Variants in UNC13C observed in about 807,000 individuals in gnomAD.
UNC13C encodes the protein unc-13 homolog C.
UNC13C carries 174 observed loss-of-function variants against 245.4 expected under a neutral mutation model. The ratio of observed to expected loss-of-function variants is 0.71; its 90% confidence interval spans 0.63 to 0.80. UNC13C has a LOEUF of 0.80. UNC13C is among the 30% of genes least tolerant of loss of function. The probability of loss-of-function intolerance (pLI) is 0.00; values close to 1 mark genes in which losing one functional copy is unlikely to be tolerated. For missense variants in UNC13C, 2,829 were observed against 2,602.9 expected, an observed-to-expected ratio of 1.09 and a Z score of -1.89; for synonymous variants, 992 against 895.1, an observed-to-expected ratio of 1.11 and a Z score of -1.93.
At chr15:54,080,382 T>G (rs947451345) in intron 2 of UNC13C, among the ~76,000 whole-genome samples, 3 of 152,028 alleles carry the variant, frequency 2.0e-5, no homozygotes, top group African/African-American at 7.2e-5. Flanking sequence ...TTGGAAACAT[T>G]TCCGAAAGAT....
intron 20 of UNC13C, among the ~76,000 whole-genome samples, chr15:54,497,436 G>C (rs921374767): frequency 6.6e-6 from 1 of 152,244 alleles, no homozygotes; most frequent in Non-Finnish European, 1.5e-5. Context: ...TATGAAGGCT[G>C]CTTGGATTTG....
chr15:54,046,680 T>C (rs1426523916), intron 2 of UNC13C, among the ~76,000 whole-genome samples: 2 of 151,888 alleles, frequency 1.3e-5, no homozygotes, highest in African/African-American at 2.4e-5. Flanking sequence ...GTAAAATATA[T>C]ATAACAAAAC....
intron 2 of UNC13C, among the ~76,000 whole-genome samples, chr15:54,107,158 GTTTTA>G (rs1239899715): frequency 1.3e-5 from 2 of 152,050 alleles, no homozygotes; most frequent in African/African-American, 4.8e-5. Flanking sequence ...ATTTTTGACT[GTTTTA>G]TTTATTTCAA....
At chr15:53,880,501 G>A in the UNC13C span, among the ~76,000 whole-genome samples, 1 of 152,132 alleles carries the variant, frequency 6.6e-6, no homozygotes, top group African/African-American at 2.4e-5. Flanking sequence ...ATACAACGGC[G>A]GGTCAGCATT....
At chr15:54,087,665 C>T (rs77787649) in intron 2 of UNC13C, among the ~76,000 whole-genome samples, 6,580 of 152,224 alleles carry the variant, frequency 0.043, 409 homozygotes, top group East Asian at 0.29. Context: ...CCAGTTACCA[C>T]TGAGAGGGGC....
chr15:53,852,694 A>G, the UNC13C span, among the ~76,000 whole-genome samples: 1 of 152,084 alleles, frequency 6.6e-6, no homozygotes, highest in African/African-American at 2.4e-5. Context: ...AGTTTACCAT[A>G]TCGTGTCCAT....
chr15:53,903,919 T>G, the UNC13C span, among the ~76,000 whole-genome samples: 1 of 152,208 alleles, frequency 6.6e-6, no homozygotes, highest in African/African-American at 2.4e-5. Context: ...GAGCAATTAG[T>G]ATTTAGATCT....
At chr15:54,401,221 C>G (rs1327954625) in intron 18 of UNC13C, among the ~76,000 whole-genome samples, 1 of 151,976 alleles carries the variant, frequency 6.6e-6, no homozygotes, top group Non-Finnish European at 1.5e-5. Flanking sequence ...CTTTCATTAA[C>G]AGTTTCATTT....
chr15:54,344,069 A>C (rs1288575595), intron 17 of UNC13C, among the ~76,000 whole-genome samples: 3 of 152,228 alleles, frequency 2.0e-5, no homozygotes, highest in Non-Finnish European at 2.9e-5. Flanking sequence ...TAAATTGGAC[A>C]ATGCAGAAAC....
chr15:54,549,005 C>T (rs1302944130), intron 27 of UNC13C, among the ~76,000 whole-genome samples: 1 of 152,132 alleles, frequency 6.6e-6, no homozygotes, highest in East Asian at 1.9e-4. Context: ...AATTTTCCTT[C>T]CTGTGACAAT....
chr15:53,840,088 C>CT, the UNC13C span, among the ~76,000 whole-genome samples: 1 of 152,116 alleles, frequency 6.6e-6, no homozygotes, highest in Non-Finnish European at 1.5e-5. Context: ...GCTTCTCCAA[C>CT]TTTACAGTTA....
At chr15:53,922,737 AAG>A in the UNC13C span, among the ~76,000 whole-genome samples, 1 of 152,230 alleles carries the variant, frequency 6.6e-6, no homozygotes, top group Non-Finnish European at 1.5e-5. Flanking sequence ...ATATTGAAGA[AAG>A]AAACAATGGG....
chr15:54,613,700 A>G (rs1900251512), intron 30 of UNC13C, among the ~76,000 whole-genome samples: 2 of 152,052 alleles, frequency 1.3e-5, no homozygotes, highest in African/African-American at 4.8e-5. Context: ...AAATAGAGAT[A>G]TAAATCATGA....
chr15:54,423,207 A>G (rs2140963260), intron 19 of UNC13C, among the ~76,000 whole-genome samples: 1 of 151,886 alleles, frequency 6.6e-6, no homozygotes, highest in Non-Finnish European at 1.5e-5. Flanking sequence ...TGACCCACTG[A>G]TGGGTTGAAG....
chr15:54,136,704 T>C (rs1413432331), intron 2 of UNC13C, among the ~76,000 whole-genome samples: 1 of 152,190 alleles, frequency 6.6e-6, no homozygotes, highest in Non-Finnish European at 1.5e-5. Context: ...GCTTTTATTA[T>C]GTACAGGTGC....
chr15:54,397,335 A>T (rs1465537995), intron 18 of UNC13C, among the ~76,000 whole-genome samples: 2 of 151,494 alleles, frequency 1.3e-5, no homozygotes, highest in African/African-American at 2.4e-5. Context: ...AATTGACTGT[A>T]TATGTAAGAG....
chr15:54,281,149 T>A (rs768418780), intron 10 of UNC13C, among the ~76,000 whole-genome samples: 1 of 152,174 alleles, frequency 6.6e-6, no homozygotes, highest in Non-Finnish European at 1.5e-5. Context: ...TTATACAGAC[T>A]GACTATATAA....
intron 2 of UNC13C, among the ~76,000 whole-genome samples, chr15:54,076,793 T>G (rs912735429): frequency 1.3e-5 from 2 of 152,220 alleles, no homozygotes; most frequent in African/African-American, 4.8e-5. Context: ...TATTCTTTGC[T>G]GTTAAGTAGG....
chr15:54,085,161 T>G (rs919811759), intron 2 of UNC13C, among the ~76,000 whole-genome samples: 2 of 152,110 alleles, frequency 1.3e-5, no homozygotes, highest in African/African-American at 2.4e-5. Context: ...GTAAATAATT[T>G]ACAGATATCA....
Sources: gnomAD v4.1 joint callset for allele counts (sites outside exome capture counted in the v4.1 genomes callset) on GRCh38, gnomAD v4.1.1 for gene constraint, MANE v1.5 for transcripts, NCBI Gene and HGNC (gene_info 2026-07-23, HGNC 2026-07-21) for gene names.